KDM5A: variants seen among roughly 807,000 people sequenced by gnomAD.
The protein encoded by KDM5A is lysine-specific demethylase 5A.
A neutral mutation model predicts 193.5 loss-of-function variants in KDM5A; 42 were observed. The ratio of observed to expected loss-of-function variants is 0.22; its 90% CI spans 0.17 to 0.28. The LOEUF is 0.28. KDM5A is among the 10% of genes least tolerant of loss of function. The pLI is 1.00. For synonymous variants in KDM5A, 796 were observed against 718.1 expected (o/e 1.11, Z -1.73); for missense variants, 1,692 against 2,055.1 (o/e 0.82, Z 3.42).
rs768521651 is a variant in KDM5A, at chr12:389,075, G to T, written c.17C>A (p.Pro6Gln). 1.1e-5 allele frequency: 15 copies of T among 1,387,156 alleles called. No individual in the cohort carries two copies. In the East Asian group the frequency reaches 3.4e-4, roughly 31 times the overall value. 85.9% of individuals were successfully genotyped at this position (1,387,156 alleles called of 1,614,324 possible). MAGVGPGGYAAEFVPP... is the reference protein window; with the variant it reads MAGVGQGGYAAEFVPP... ...CACGAACTCCGCCGCGTAGCCCCCCGGCCCCACGCCCGCCATTGCAACGGC... is the reference window on the plus strand; with the variant it reads ...CACGAACTCCGCCGCGTAGCCCCCCTGCCCCACGCCCGCCATTGCAACGGC... Residue 6 changes from proline (P) to glutamine (Q), a missense_variant, in exon 1 of 28, where the codon CCG becomes CAG. Transcript: ENST00000399788.
At position 282,715 on chromosome 12, in the gene KDM5A, T is replaced by G. The variant is rs534064020; in HGVS notation, c.*2741A>C. ...TAATGATGAAGAATTGCAACTTCAG[T>G]TGCAGTTTAGAGGAGATAAGGGTAG... On this transcript the variant is annotated 3_prime_UTR_variant, in exon 28 of 28. Coordinates refer to ENST00000399788, the MANE Select transcript of KDM5A (RefSeq NM_001042603.3). 1 of 232,806 alleles carries G rather than the reference T, an allele frequency of 4.3e-6. No individual in the cohort carries two copies. The highest frequency in any genetic ancestry group is 8.5e-6 in the Non-Finnish European group (1 of 117,856). 14.4% of individuals were successfully genotyped at this position (232,806 alleles called of 1,614,324 possible).
intron 19 of KDM5A, among the ~76,000 whole-genome samples, chr12:315,093 TG>T (rs1270370012): frequency 6.6e-6 from 1 of 152,258 alleles, no homozygotes; most frequent in African/African-American, 2.4e-5. Flanking sequence ...TAGGCAAGCT[TG>T]TCTTGTCTAG....
intron 27 of KDM5A, among the ~76,000 whole-genome samples, chr12:288,952 G>T (rs976710152): frequency 6.6e-6 from 1 of 152,156 alleles, no homozygotes; most frequent in African/African-American, 2.4e-5. Context: ...ACACATTTAG[G>T]TAACTTAACC....
intron 5 of KDM5A, among the ~76,000 whole-genome samples, chr12:359,209 T>C (rs910980447): frequency 1.3e-5 from 2 of 152,100 alleles, no homozygotes; most frequent in Non-Finnish European, 2.9e-5. Context: ...AAATATCAAG[T>C]CATCACTTTT....
intron 27 of KDM5A, 112 bp downstream of exon 27, chr12:292,647 G>A (rs1485279722): frequency 7.7e-7 from 1 of 1,301,120 alleles, no homozygotes; most frequent in African/African-American, 1.5e-5. Context: ...ACATTATGTT[G>A]GAAGTCCAAA....
chr12:355,275 T>C (rs1944218008), intron 6 of KDM5A, 26 bp from the exon 7 acceptor site: 2 of 1,322,934 alleles, frequency 1.5e-6, no homozygotes, highest in South Asian at 1.2e-5. Flanking sequence ...TACACAATAA[T>C]AGTAAAAACC....
intron 3 of KDM5A, among the ~76,000 whole-genome samples, chr12:372,891 C>T (rs957130735): frequency 5.3e-5 from 8 of 152,100 alleles, no homozygotes; most frequent in Middle Eastern, 3.2e-3. Context: ...TGCTGGATTA[C>T]GTTTATTGAT....
intron 13 of KDM5A, among the ~76,000 whole-genome samples, chr12:331,090 A>C (rs1382686798): frequency 6.8e-6 from 1 of 146,660 alleles, no homozygotes; most frequent in African/African-American, 2.4e-5. Context: ...AAAAAGGAAC[A>C]GAAAAAACAT....
chr12:297,283 G>T (rs554630160), intron 24 of KDM5A, 83 bp from the exon 25 acceptor site: 3 of 1,171,366 alleles, frequency 2.6e-6, no homozygotes, highest in Non-Finnish European at 3.8e-6. Flanking sequence ...AGGCTTTCAG[G>T]TTAAAGCTTC....
chr12:322,027 T>A (rs1304226532), intron 17 of KDM5A, among the ~76,000 whole-genome samples: 1 of 151,956 alleles, frequency 6.6e-6, no homozygotes, highest in Non-Finnish European at 1.5e-5. Flanking sequence ...CAAAGAAGGG[T>A]AAGAGGACTG....
chr12:359,279 T>G (rs1335284949), intron 5 of KDM5A, among the ~76,000 whole-genome samples: 1 of 152,180 alleles, frequency 6.6e-6, no homozygotes, highest in East Asian at 1.9e-4. Context: ...GACATCCCAG[T>G]GGGAACAAGC....
chr12:384,947 T>C (rs1944621585), intron 2 of KDM5A, among the ~76,000 whole-genome samples: 1 of 152,168 alleles, frequency 6.6e-6, no homozygotes, highest in Non-Finnish European at 1.5e-5. Flanking sequence ...CCCAGCACTT[T>C]GGGAGGCCAA....
At chr12:366,366 C>A (rs762358028) in intron 3 of KDM5A, among the ~76,000 whole-genome samples, 5 of 152,078 alleles carry the variant, frequency 3.3e-5, no homozygotes, top group African/African-American at 1.2e-4. Flanking sequence ...CTGTACAGTA[C>A]GCACTGTGAG....
chr12:356,288 A>G (rs1192907621), intron 6 of KDM5A, 144 bp downstream of exon 6: 3 of 659,162 alleles, frequency 4.6e-6, no homozygotes, highest in Non-Finnish European at 8.1e-6. Flanking sequence ...CTGGCATTAA[A>G]AAAGGCGATT....
intron 10 of KDM5A, among the ~76,000 whole-genome samples, chr12:341,166 A>T (rs1286340057): frequency 6.6e-6 from 1 of 152,212 alleles, no homozygotes; most frequent in Non-Finnish European, 1.5e-5. Flanking sequence ...AGAAAAAGGC[A>T]AAAGCTAAAA....
At position 323,229 on chromosome 12, in the gene KDM5A, A is replaced by AAAAAAAAAG; in HGVS notation, c.2151-24_2151-23insCTTTTTTTT. ...TATCTACAAAAAAAAAAAAAAAAAA[A>AAAAAAAAAG]AAAAAAAAAAGAAAACAGAAATAAA... On this transcript the variant is annotated intron_variant, in intron 15 of 27. Transcript: ENST00000399788. The AAAAAAAAAG allele has an allele frequency of 6.0e-6, 9 of 1,495,426 alleles. No individual in the cohort carries two copies. In the East Asian group the frequency reaches 1.5e-4, roughly 25 times the overall value. 92.6% of individuals were successfully genotyped at this position (1,495,426 alleles called of 1,614,324 possible). A position where few individuals can be genotyped will look rare whatever the true frequency, so the allele number is the denominator to read the frequency against.
At chr12:312,983 A>T (rs1206201432) in intron 20 of KDM5A, 73 bp downstream of exon 20, 2 of 1,441,130 alleles carry the variant, frequency 1.4e-6, no homozygotes, top group African/African-American at 2.8e-5. Flanking sequence ...ATTCTAAAGA[A>T]TTAATAGTTT....
chr12:324,836 G>GCACT (rs1943762939), intron 14 of KDM5A, among the ~76,000 whole-genome samples: 1 of 151,476 alleles, frequency 6.6e-6, no homozygotes, highest in Non-Finnish European at 1.5e-5. Flanking sequence ...TCACGCCACT[G>GCACT]CACTCCAGCC....
chr12:292,504 G>C lies in KDM5A; in HGVS notation c.4866+255C>G, dbSNP rs534764946. ...GCATATGAAATGCACTGTTTGCCAG[G>C]GAATGTCACATAGCTTCTCTCTGCT... On this transcript the variant is annotated intron_variant, in intron 27 of 27. Coordinates refer to ENST00000399788, the MANE Select transcript of KDM5A (RefSeq NM_001042603.3). 7.2e-5 allele frequency among the ~76,000 whole-genome samples: 11 copies of C among 152,172 alleles called. No homozygotes were observed. The South Asian group carries it at 2.3e-3, about 32-fold the overall frequency.
Sources: allele counts gnomAD v4.1 joint callset (sites outside exome capture counted in the v4.1 genomes callset), GRCh38; gene constraint gnomAD v4.1.1; transcripts MANE v1.5; gene names NCBI Gene and HGNC (gene_info 2026-07-23, HGNC 2026-07-21).